The following PTK7 variants were observed in gnomAD, a reference collection of about 807,000 sequenced individuals.
The protein encoded by PTK7 is inactive tyrosine-protein kinase 7.
In PTK7, 39 loss-of-function variants were observed where a neutral mutation model predicts 116.6. The ratio of observed to expected loss-of-function variants is 0.33; its 90% confidence interval spans 0.26 to 0.44. The LOEUF is 0.44. PTK7 is among the 20% of genes least tolerant of loss of function. PTK7 has a pLI of 1.00. For synonymous variants in PTK7, 546 were observed against 563.6 expected (o/e 0.97, Z 0.44); for missense variants, 1,169 against 1,425.6 (o/e 0.82, Z 2.90).
At position 43,129,696 on chromosome 6, in the gene PTK7, C is replaced by A; in HGVS notation, c.368-31C>A. The stretch of plus-strand genomic sequence containing the variant: ...GCCTTCCCGCCTTTGCCCTGCTCTG[C>A]CCCTCACTGCAACCGTGGCCTCTGC... On this transcript the variant is annotated intron_variant, in intron 2 of 19. Transcript: ENST00000230419. The surrounding 1 kb of genome is among the most constrained non-coding windows in gnomAD (Gnocchi z 4.5). The A allele has an allele frequency of 6.3e-7, 1 of 1,595,660 alleles. No homozygotes were observed. Among genetic ancestry groups the A allele is most frequent in the African/African-American group, 1.3e-5 (1 of 74,662 alleles).
At chr6:43,103,964 C>T (rs932351315) in intron 1 of PTK7, among the ~76,000 whole-genome samples, 2 of 152,182 alleles carry the variant, frequency 1.3e-5, no homozygotes, top group African/African-American at 2.4e-5. Flanking sequence ...TCTGTTTTCT[C>T]AAATCATGTG....
chr6:43,142,545 C>G (rs181378462), intron 13 of PTK7: 3 of 635,384 alleles, frequency 4.7e-6, no homozygotes, highest in Non-Finnish European at 8.5e-6. Flanking sequence ...GGGGTGTTCT[C>G]TTCCTACAAT....
intron 7 of PTK7, among the ~76,000 whole-genome samples, chr6:43,137,510 C>G (rs538187241): frequency 1.3e-5 from 2 of 152,040 alleles, no homozygotes; most frequent in African/African-American, 2.4e-5. Flanking sequence ...CTTTAGCACA[C>G]GTAAAGTTTG....
chr6:43,101,898 A>C (rs1314822481), intron 1 of PTK7, among the ~76,000 whole-genome samples: 1 of 152,188 alleles, frequency 6.6e-6, no homozygotes, highest in African/African-American at 2.4e-5. Flanking sequence ...ACTCATCAAC[A>C]TAAGACGTCA....
Position 43,142,184 on chromosome 6 carries a change from C to A in PTK7, c.1932C>A (p.Phe644Leu), listed in dbSNP as rs1049663009. The change falls in exon 13 of 20, where the codon TTC becomes TTA. Residue 644 changes from phenylalanine to leucine, a missense_variant. Phe to Leu is a conservative substitution (Grantham distance 22, BLOSUM62 0). Around this residue, in one of 3 missense-constraint regions of PTK7, gnomAD observed 678 missense variants for 853.8 expected, o/e 0.79. Transcript: ENST00000230419. The part of the protein sequence containing the change: ...PTKLGPRMHI[F>L]QNGSLVIHDV... ...TCTCCCCCGACAGGATGCACATCTT[C>A]CAGAATGGCTCCCTGGTGATCCATG... The A allele has an allele frequency of 6.2e-7, 1 of 1,614,038 alleles. No homozygotes were observed. The highest frequency in any genetic ancestry group is 1.3e-5 in the African/African-American group (1 of 74,922).
chr6:43,140,746 G>A (rs943834735), intron 10 of PTK7, among the ~76,000 whole-genome samples: 3 of 152,006 alleles, frequency 2.0e-5, no homozygotes, highest in Non-Finnish European at 2.9e-5. Flanking sequence ...AAATTAGCCA[G>A]GCATGGTGGT....
intron 17 of PTK7, among the ~76,000 whole-genome samples, chr6:43,154,725 G>A (rs527543760): frequency 3.3e-5 from 5 of 152,240 alleles, no homozygotes; most frequent in Admixed American, 2.0e-4. Context: ...CTCTCCTAGC[G>A]CTCGGGCTTG....
chr6:43,155,578 A>AG (rs149230603), intron 17 of PTK7, among the ~76,000 whole-genome samples: 13,775 of 151,504 alleles, frequency 0.091, 983 homozygotes, highest in East Asian at 0.38. Context: ...CGGGAGGCGG[A>AG]GTGGAGGTTG....
At chr6:43,130,858 A>G (rs1011803213) in intron 5 of PTK7, among the ~76,000 whole-genome samples, 197 bp downstream of exon 5, 4 of 152,102 alleles carry the variant, frequency 2.6e-5, no homozygotes, top group African/African-American at 7.2e-5. Context: ...GCCCTTTTCC[A>G]GTTTGCACAA....
chr6:43,156,337 C>T (rs758304467), intron 17 of PTK7, among the ~76,000 whole-genome samples: 2 of 151,444 alleles, frequency 1.3e-5, no homozygotes, highest in Non-Finnish European at 2.9e-5. Flanking sequence ...CCCAGTGGCT[C>T]ACACCTGTGA....
chr6:43,119,541 C>T (rs777401480), intron 1 of PTK7, among the ~76,000 whole-genome samples: 1 of 152,118 alleles, frequency 6.6e-6, no homozygotes, highest in African/African-American at 2.4e-5. Flanking sequence ...ACTTTGGGTC[C>T]GAACCCCTCC....
At chr6:43,087,090 T>C (rs754069783) in intron 1 of PTK7, among the ~76,000 whole-genome samples, 1 of 152,320 alleles carries the variant, frequency 6.6e-6, no homozygotes, top group East Asian at 1.9e-4. Flanking sequence ...AAGTGAGCCC[T>C]CTTCACTACT....
intron 17 of PTK7, among the ~76,000 whole-genome samples, chr6:43,152,109 A>C: frequency 6.6e-6 from 1 of 150,678 alleles, no homozygotes. Flanking sequence ...GGCCTCCCAA[A>C]GTGAGCCACC....
Position 43,160,780 on chromosome 6 carries a change from C to T in PTK7, c.3112C>T (p.Arg1038Trp), listed in dbSNP as rs755193903. The T allele has an allele frequency of 4.4e-5, 71 of 1,614,086 alleles. No individual in the cohort carries two copies. Among genetic ancestry groups the T allele is most frequent in the Non-Finnish European group, 5.2e-5 (61 of 1,180,038 alleles). Residue 1038 changes from arginine to tryptophan, a missense_variant, in exon 20 of 20, where the codon CGG becomes TGG. This residue lies in a region of PTK7 where 678 missense variants were observed against 853.8 expected (regional missense o/e 0.79). Transcript: ENST00000230419. ...CGAGGGCTGCCCTTCCAAACTCTAT[C>T]GGCTGATGCAGCGCTGCTGGGCCCT... The part of the protein sequence containing the change: ...QPEGCPSKLY[R>W]LMQRCWALSP...
At chr6:43,125,187 A>C (rs1415179929) in intron 1 of PTK7, among the ~76,000 whole-genome samples, 2 of 152,230 alleles carry the variant, frequency 1.3e-5, no homozygotes, top group Non-Finnish European at 2.9e-5. Context: ...AAACAAAAAA[A>C]AGAAAAAAGA....
chr6:43,107,998 AG>A (rs1767987988), intron 1 of PTK7, among the ~76,000 whole-genome samples: 1 of 149,156 alleles, frequency 6.7e-6, no homozygotes, highest in Non-Finnish European at 1.5e-5. Context: ...TAGAAGATAA[AG>A]AGAATGTGTG....
chr6:43,099,235 CTTTT>C (rs11375658), intron 1 of PTK7, among the ~76,000 whole-genome samples: 2 of 136,996 alleles, frequency 1.5e-5, no homozygotes, highest in African/African-American at 2.7e-5. Flanking sequence ...ACTATTTTTC[CTTTT>C]TTTTTTTTTT....
Position 43,143,757 on chromosome 6 carries a change from C to T in PTK7, c.2251+137C>T, listed in dbSNP as rs779758758. On this transcript the variant is annotated intron_variant, in intron 14 of 19. Coordinates refer to ENST00000230419, the MANE Select transcript of PTK7 (RefSeq NM_002821.5). The surrounding 1 kb of genome is among the most constrained non-coding windows in gnomAD (Gnocchi z 4.2). ...TCCTGGAGCTGGGACTGCCCCACCC[C>T]TAGCGGGAAGCCTGGAGTTGGATTC... The T allele has an allele frequency of 4.2e-6, 4 of 952,258 alleles. No homozygotes were observed. Among genetic ancestry groups the T allele is most frequent in the African/African-American group, 3.3e-5 (2 of 60,068 alleles). The allele number at this position is 952,258 out of a possible 1,614,324, so 59.0% of individuals were successfully genotyped here.
At position 43,102,135 on chromosome 6, in the gene PTK7, C is replaced by T. The variant is rs189291669; in HGVS notation, c.79+25568C>T. Among the ~76,000 whole-genome samples the T allele has an allele frequency of 1.6e-3, 236 of 149,478 alleles. 2 individuals carry two copies. Among genetic ancestry groups the T allele is most frequent in the African/African-American group, 5.1e-3 (204 of 40,390 alleles). On this transcript the variant is annotated intron_variant, in intron 1 of 19. Coordinates refer to ENST00000230419, the MANE Select transcript of PTK7 (RefSeq NM_002821.5). Reference sequence around the variant, plus strand: ...GGTGGTTCCAGCCCGTTCTTGGGAGCATCTCTTGGCCAGGTGAGGTGGCTC... The same window carrying T: ...GGTGGTTCCAGCCCGTTCTTGGGAGTATCTCTTGGCCAGGTGAGGTGGCTC...
Sources: allele counts gnomAD v4.1 joint callset (sites outside exome capture counted in the v4.1 genomes callset), GRCh38; gene constraint gnomAD v4.1.1; regional missense constraint gnomAD v4.1.1; non-coding constraint Gnocchi (gnomAD v3.1); transcripts MANE v1.5; gene names NCBI Gene and HGNC (gene_info 2026-07-23, HGNC 2026-07-21).